Variants in PELI2 observed in about 807,000 individuals in gnomAD.
PELI2 encodes E3 ubiquitin-protein ligase pellino homolog 2.
In PELI2, 23 loss-of-function variants were observed where a neutral mutation model predicts 42.3. That is an observed-to-expected ratio of 0.54 (90% CI 0.39 to 0.77). PELI2 has a LOEUF of 0.77. Among genes scored for constraint, PELI2 ranks in the 30% least tolerant of loss-of-function variants. The pLI is 0.00. For synonymous variants in PELI2, 245 were observed against 212.2 expected, an observed-to-expected ratio of 1.15 and a Z score of -1.34; for missense variants, 463 against 553.2, an observed-to-expected ratio of 0.84 and a Z score of 1.64.
chr14:56,122,551 T>C (rs1405025639), intron 1 of PELI2, among the ~76,000 whole-genome samples: 1 of 152,214 alleles, frequency 6.6e-6, no homozygotes, highest in Non-Finnish European at 1.5e-5. Context: ...GCTTACTCTC[T>C]TAGTTCCTCT....
intron 3 of PELI2, among the ~76,000 whole-genome samples, chr14:56,281,616 G>A (rs1265614693): frequency 2.0e-5 from 3 of 152,096 alleles, no homozygotes; most frequent in Non-Finnish European, 4.4e-5. Flanking sequence ...AGACTGATAA[G>A]AAGAGCCAAA....
At chr14:56,167,009 T>C (rs1181127636) in intron 1 of PELI2, among the ~76,000 whole-genome samples, 1 of 152,136 alleles carries the variant, frequency 6.6e-6, no homozygotes, top group Admixed American at 6.5e-5. Context: ...CAGGATGGTC[T>C]TGATCTCCTG....
intron 1 of PELI2, among the ~76,000 whole-genome samples, chr14:56,134,747 A>G (rs1486659838): frequency 6.6e-6 from 1 of 151,226 alleles, no homozygotes; most frequent in African/African-American, 2.4e-5. Context: ...AAAAATCATT[A>G]TGAGGAACCA....
chr14:56,165,344 C>T (rs1037089139), intron 1 of PELI2, among the ~76,000 whole-genome samples: 4 of 152,078 alleles, frequency 2.6e-5, no homozygotes, highest in Non-Finnish European at 5.9e-5. Flanking sequence ...TCCAAAATTT[C>T]TCGTTATTAA....
chr14:56,196,165 G>A (rs1288051717), intron 2 of PELI2, among the ~76,000 whole-genome samples: 2 of 152,166 alleles, frequency 1.3e-5, no homozygotes, highest in Non-Finnish European at 2.9e-5. Context: ...GAATTTAAAG[G>A]CTACAGAGAA....
At chr14:56,122,861 CTT>C (rs537736112) in intron 1 of PELI2, among the ~76,000 whole-genome samples, 35 of 152,258 alleles carry the variant, frequency 2.3e-4, no homozygotes, top group South Asian at 6.2e-4. Context: ...CAATTTAAGA[CTT>C]TTGATATTTA....
intron 2 of PELI2, among the ~76,000 whole-genome samples, chr14:56,184,734 G>A (rs1458958692): frequency 6.6e-6 from 1 of 152,050 alleles, no homozygotes; most frequent in Non-Finnish European, 1.5e-5. Flanking sequence ...ACTATGAGCA[G>A]TATTATGTGA....
intron 5 of PELI2, among the ~76,000 whole-genome samples, chr14:56,292,551 TA>T (rs1889865976): frequency 6.6e-6 from 1 of 152,210 alleles, no homozygotes. Flanking sequence ...ATATGAGAAA[TA>T]AAGTGAGCTG....
chr14:56,297,277 G>T lies in PELI2; in HGVS notation c.*111G>T, dbSNP rs1890041674. 1 of 704,504 alleles carries T rather than the reference G, an allele frequency of 1.4e-6. No homozygotes were observed. The highest frequency in any genetic ancestry group is 2.4e-6 in the Non-Finnish European group (1 of 420,434). 43.6% of individuals were successfully genotyped at this position (704,504 alleles called of 1,614,324 possible). On this transcript the variant is annotated 3_prime_UTR_variant, in exon 6 of 6. Coordinates refer to ENST00000267460, the MANE Select transcript of PELI2 (RefSeq NM_021255.3). ...TGTTTATCAGAGGAGGGTGACAGGG[G>T]CTGGAAATAAAGAGAGGGGACATGG...
intron 2 of PELI2, among the ~76,000 whole-genome samples, chr14:56,264,600 C>T (rs1463077012): frequency 6.6e-6 from 1 of 152,112 alleles, no homozygotes; most frequent in Non-Finnish European, 1.5e-5. Context: ...GCATAGTGGA[C>T]ACCATTGTTC....
chr14:56,172,452 G>A (rs1775573753), intron 1 of PELI2, among the ~76,000 whole-genome samples: 1 of 152,206 alleles, frequency 6.6e-6, no homozygotes, highest in Non-Finnish European at 1.5e-5. Flanking sequence ...CAGATTTAGG[G>A]AGAGGGGAGT....
intron 2 of PELI2, among the ~76,000 whole-genome samples, chr14:56,193,610 C>G (rs999613376): frequency 1.1e-4 from 16 of 152,172 alleles, no homozygotes; most frequent in Admixed American, 1.0e-3. Flanking sequence ...AATACCTCCA[C>G]TAGTGATACA....
At chr14:56,282,644 G>T (rs1055214833) in intron 3 of PELI2, among the ~76,000 whole-genome samples, 1 of 151,854 alleles carries the variant, frequency 6.6e-6, no homozygotes, top group African/African-American at 2.4e-5. Context: ...TTATTAAAGT[G>T]CCAGTTTGAA....
rs1430084164 is a variant in PELI2 at position 56,288,999 on chromosome 14, C to G, written c.507+365C>G. On this transcript the variant is annotated intron_variant, in intron 4 of 5. Coordinates refer to ENST00000267460, the MANE Select transcript of PELI2 (RefSeq NM_021255.3). The surrounding 1 kb of genome is among the most constrained non-coding windows in gnomAD (Gnocchi z 4.6). ...GGAAAATGTTAGTGATTCACTCATT[C>G]AAAAATGTTTTATGAGTGTTTGCTA... Among the ~76,000 whole-genome samples the G allele has an allele frequency of 6.6e-6, 1 of 152,070 alleles. No homozygotes were observed. Among genetic ancestry groups the G allele is most frequent in the Admixed American group, 6.6e-5 (1 of 15,264 alleles).
intron 2 of PELI2, among the ~76,000 whole-genome samples, chr14:56,189,127 C>T (rs1033026219): frequency 6.6e-6 from 1 of 152,074 alleles, no homozygotes; most frequent in Non-Finnish European, 1.5e-5. Flanking sequence ...CCACTGCACT[C>T]CAGCCTGGGT....
chr14:56,166,364 G>T (rs1206849593), intron 1 of PELI2, among the ~76,000 whole-genome samples: 1 of 152,204 alleles, frequency 6.6e-6, no homozygotes, highest in African/African-American at 2.4e-5. Context: ...GTATATTTTT[G>T]ATTGGTTCAT....
chr14:56,221,682 G>A (rs1453986468), intron 2 of PELI2, among the ~76,000 whole-genome samples: 3 of 151,176 alleles, frequency 2.0e-5, no homozygotes, highest in East Asian at 1.9e-4. Context: ...TTGTACTTAC[G>A]GAAACCTTCA....
chr14:56,215,422 T>A (rs1346247267), intron 2 of PELI2, among the ~76,000 whole-genome samples: 1 of 152,176 alleles, frequency 6.6e-6, no homozygotes, highest in Non-Finnish European at 1.5e-5. Flanking sequence ...GACTTTGATG[T>A]TCTTTTCACA....
chr14:56,178,239 C>G, intron 1 of PELI2, 96 bp from the exon 2 acceptor site: 1 of 1,284,734 alleles, frequency 7.8e-7, no homozygotes, highest in Non-Finnish European at 1.1e-6. Flanking sequence ...TCTTTTATGA[C>G]CATTCCTGTC....
Sources: gnomAD v4.1 joint callset for allele counts (sites outside exome capture counted in the v4.1 genomes callset) on GRCh38, gnomAD v4.1.1 for gene constraint, Gnocchi (gnomAD v3.1) non-coding constraint, MANE v1.5 for transcripts, NCBI Gene and HGNC (gene_info 2026-07-23, HGNC 2026-07-21) for gene names.